The following DCHS1 variants were observed in gnomAD, a reference collection of about 807,000 sequenced individuals.
The protein encoded by DCHS1 is dachsous cadherin-related 1.
Under a neutral mutation model 213.9 loss-of-function variants are expected in DCHS1, and 78 were observed. That is an observed-to-expected ratio of 0.36 (90% CI 0.30 to 0.44). DCHS1 has a LOEUF of 0.44. DCHS1 is among the 20% of genes least tolerant of loss of function. DCHS1 has a pLI of 1.00. For synonymous variants in DCHS1, 1,828 were observed against 1,873.7 expected, an observed-to-expected ratio of 0.98 and a Z score of 0.63; for missense variants, 3,946 against 4,395.9, an observed-to-expected ratio of 0.90 and a Z score of 2.89.
intron 1 of DCHS1, among the ~76,000 whole-genome samples, chr11:6,645,799 T>C (rs1395496207): frequency 2.0e-5 from 3 of 152,290 alleles, no homozygotes; most frequent in Middle Eastern, 6.8e-3. Flanking sequence ...CCCCATGCAC[T>C]GCCTGGCACT....
At chr11:6,634,382 A>G in intron 2 of DCHS1, 76 bp from the exon 3 acceptor site, 4 of 1,472,114 alleles carry the variant, frequency 2.7e-6, no homozygotes, top group Non-Finnish European at 3.6e-6. Flanking sequence ...ATTAGAATGA[A>G]CAACTGGTGC....
At chr11:6,635,180 G>C (rs554418598) in intron 2 of DCHS1, 2 of 152,314 alleles carry the variant, frequency 1.3e-5, no homozygotes, top group Admixed American at 1.3e-4. Context: ...AGTGGGATCT[G>C]ATTAATACTG....
At position 6,633,912 on chromosome 11, in the gene DCHS1, G is replaced by T. The variant is rs759668003; in HGVS notation, c.2095C>A (p.Pro699Thr). ...AACCTCAGCACAGCTGTGCCTGGTG[G>T]ACTCTGGGCACTTATACTGGCAGCA... ...EYAASISAQS[P>T]PGTAVLRLRA... Residue 699 changes from proline to threonine, a missense_variant, in exon 4 of 21, where the codon CCA becomes ACA. By Grantham distance (38) the Pro-to-Thr change is conservative (BLOSUM62 -1). Coordinates refer to ENST00000299441, the MANE Select transcript of DCHS1 (RefSeq NM_003737.4). 31 of 1,614,032 alleles carry T rather than the reference G, an allele frequency of 1.9e-5. No homozygotes were observed. Among genetic ancestry groups the T allele is most frequent in the Non-Finnish European group, 2.6e-5 (31 of 1,179,894 alleles).
rs763334381 is a variant in DCHS1, at chr11:6,631,720, G to C, written c.3571C>G (p.Arg1191Gly). Residue 1191 changes from arginine (R) to glycine (G), a missense_variant, in exon 7 of 21, where the codon CGC becomes GGC. Arg to Gly is a moderately radical substitution (Grantham distance 125, BLOSUM62 -2). Transcript: ENST00000299441. Reference protein sequence around the residue: ...VQVQDGGSPPRSTTGTVHVAV... With the variant: ...VQVQDGGSPPGSTTGTVHVAV... ...ACATGCACAGTGCCTGTGGTGCTGCGGGGTGGGCTCCCTCCATCCTGCACC... is the reference window on the plus strand; with the variant it reads ...ACATGCACAGTGCCTGTGGTGCTGCCGGGTGGGCTCCCTCCATCCTGCACC... 8 of 1,610,076 alleles carry C rather than the reference G, an allele frequency of 5.0e-6. No homozygotes were observed. The highest frequency in any genetic ancestry group is 5.9e-6 in the Non-Finnish European group (7 of 1,177,970).
chr11:6,621,731 T>C lies in DCHS1; in HGVS notation c.*48A>G, dbSNP rs563523926. On this transcript the variant is annotated 3_prime_UTR_variant, in exon 21 of 21. Transcript: ENST00000299441. ...GGGCAGGCTCAGAGTGGGGCCTGCG[T>C]TGGGGACACTGTGCGCATCCCAGGT... is the stretch of plus-strand genomic sequence containing the variant. 7.6e-5 allele frequency: 117 copies of C among 1,539,256 alleles called. 1 individual carries two copies. The East Asian group carries it at 1.2e-3, about 16-fold the overall frequency.
At chr11:6,644,357 C>A (rs955415356) in intron 1 of DCHS1, among the ~76,000 whole-genome samples, 3 of 152,210 alleles carry the variant, frequency 2.0e-5, no homozygotes, top group Non-Finnish European at 2.9e-5. Flanking sequence ...CTCACCTTTA[C>A]TTCCCCCACC....
rs774722401 is a variant in DCHS1 at position 6,626,366 on chromosome 11, G to A, written c.6379C>T (p.Arg2127Cys). Residue 2127 changes from arginine (R) to cysteine (C), a missense_variant, in exon 16 of 21, where the codon CGC becomes TGC. Arg to Cys is a radical substitution (Grantham distance 180). Transcript: ENST00000299441. The surrounding 1 kb of genome is among the most constrained non-coding windows in gnomAD (Gnocchi z 5.2). ...IQPSTGAITV[R>C]SAEGLDFEVS... ...TCGAAGTCTAGCCCCTCTGCTGAGCGAACTGTGATGGCACCTGGGCGAGAT... is the reference window on the plus strand; with the variant it reads ...TCGAAGTCTAGCCCCTCTGCTGAGCAAACTGTGATGGCACCTGGGCGAGAT... 1.3e-5 allele frequency: 21 copies of A among 1,613,354 alleles called. No individual in the cohort carries two copies. Among genetic ancestry groups the A allele is most frequent in the Middle Eastern group, 1.6e-4 (1 of 6,062 alleles).
At chr11:6,653,473 T>C (rs192207112) in intron 1 of DCHS1, among the ~76,000 whole-genome samples, 137 of 152,352 alleles carry the variant, frequency 9.0e-4, no homozygotes, top group Non-Finnish European at 1.4e-3. Context: ...TCACAATGCC[T>C]AGCAGAGTAG....
At chr11:6,646,883 G>C (rs929243848) in intron 1 of DCHS1, among the ~76,000 whole-genome samples, 2 of 152,186 alleles carry the variant, frequency 1.3e-5, no homozygotes, top group Non-Finnish European at 2.9e-5. Flanking sequence ...TGGAAGCAGG[G>C]GGAACATGGG....
chr11:6,625,349 G>A lies in DCHS1; in HGVS notation c.6995C>T (p.Ser2332Phe), dbSNP rs745742044. The change falls in exon 19 of 21, where the codon TCC (serine) becomes TTC (phenylalanine). Residue 2332 changes from serine to phenylalanine, a missense_variant. This residue lies in a region of DCHS1 where 3,384 missense variants were observed against 3,780.1 expected (regional missense o/e 0.90). Transcript: ENST00000299441. The surrounding 1 kb of genome is among the most constrained non-coding windows in gnomAD (Gnocchi z 5.3). ...FSVGRYGGRVSLTGPLDFEQC... is the reference protein window; with the variant it reads ...FSVGRYGGRVFLTGPLDFEQC... The stretch of plus-strand genomic sequence containing the variant: ...CTCAAAGTCCAGGGGCCCCGTGAGG[G>A]AGACACGGCCTCCATAGCGGCCAAC... The A allele has an allele frequency of 1.7e-5, 27 of 1,613,696 alleles. No individual in the cohort carries two copies. Among genetic ancestry groups the A allele is most frequent in the African/African-American group, 2.7e-5 (2 of 74,916 alleles).
rs1285802601 is a variant in DCHS1, at chr11:6,628,320, G to C, written c.5371+301C>G. ...TATAATCCACATAAAAACTCCTTAG[G>C]GTTCTCAAAAATTAAGAGTGTTAAG... On this transcript the variant is annotated intron_variant, in intron 13 of 20. Transcript: ENST00000299441. The surrounding 1 kb of genome is among the most constrained non-coding windows in gnomAD (Gnocchi z 4.3). 6.6e-6 allele frequency among the ~76,000 whole-genome samples: 1 copy of C among 151,928 alleles called. No individual in the cohort carries two copies. Among genetic ancestry groups the C allele is most frequent in the African/African-American group, 2.4e-5 (1 of 41,318 alleles).
At chr11:6,630,968 C>G (rs1168116179) in intron 9 of DCHS1, 85 bp downstream of exon 9, 7 of 1,523,774 alleles carry the variant, frequency 4.6e-6, no homozygotes, top group Non-Finnish European at 4.4e-6. Context: ...AGCCTGACTG[C>G]TAGTGGAGCC....
Position 6,625,696 on chromosome 11 carries a change from G to A in DCHS1, c.6763C>T (p.Pro2255Ser), listed in dbSNP as rs1024555506. Residue 2255 changes from proline (P) to serine (S), a missense_variant, in exon 18 of 21, where the codon CCA becomes TCA. Around this residue, in one of 3 missense-constraint regions of DCHS1, gnomAD observed 3,384 missense variants for 3,780.1 expected, o/e 0.90. Transcript: ENST00000299441. This position sits in a 1 kb window ranked among gnomAD's most constrained non-coding sequence, Gnocchi z 5.3. ...LVLMATDRGS[P>S]ALVGSATLTV... ...AAGGTAGCTGAGCCCACCAGGGCTGGGCTCCCTCTGTCTGTGGCCATCAGC... is the reference window on the plus strand; with the variant it reads ...AAGGTAGCTGAGCCCACCAGGGCTGAGCTCCCTCTGTCTGTGGCCATCAGC... The A allele has an allele frequency of 6.2e-7, 1 of 1,610,728 alleles. No individual in the cohort carries two copies. Among genetic ancestry groups the A allele is most frequent in the Non-Finnish European group, 8.5e-7 (1 of 1,178,688 alleles).
chr11:6,630,630 C>A lies in DCHS1; in HGVS notation c.4164G>T (p.Leu1388Phe). ...TFALDAASGRLYLARPLDFEA... is the reference protein window; with the variant it reads ...TFALDAASGRFYLARPLDFEA... ...CGAAGTCCAGGGGCCGCGCCAGGTA[C>A]AAGCGCCCTGAGGCCGCATCCAGCG... Residue 1388 changes from leucine (L) to phenylalanine (F), a missense_variant, in exon 10 of 21, where the codon TTG (leucine) becomes TTT (phenylalanine). Coordinates refer to ENST00000299441, the MANE Select transcript of DCHS1 (RefSeq NM_003737.4). 6.5e-7 allele frequency: 1 copy of A among 1,539,862 alleles called. No homozygotes were observed. Among genetic ancestry groups the A allele is most frequent in the Non-Finnish European group, 8.7e-7 (1 of 1,147,952 alleles).
chr11:6,624,610 A>AT, intron 20 of DCHS1, 120 bp downstream of exon 20: 1 of 1,477,290 alleles, frequency 6.8e-7, no homozygotes, highest in Admixed American at 2.0e-5. Context: ...AGGGGAGGAA[A>AT]TGTCCTCCCT....
chr11:6,623,540 G>A lies in DCHS1; in HGVS notation c.8136C>T (p.Ser2712=). 6.2e-7 allele frequency: 1 copy of A among 1,611,568 alleles called. No homozygotes were observed. Among genetic ancestry groups the A allele is most frequent in the Non-Finnish European group, 8.5e-7 (1 of 1,178,906 alleles). The change falls in exon 21 of 21, where the codon AGC becomes AGT. Residue 2712 remains serine, a synonymous_variant. Transcript: ENST00000299441. ...HGPAFPLNLL[S]TSVAENQPPG... is the part of the protein sequence containing the mutation. Reference sequence around the variant, plus strand: ...GAGGCTGATTCTCGGCCACGCTGGTGCTGAGTAAGTTCAGTGGGAAGGCTG... The same window carrying A: ...GAGGCTGATTCTCGGCCACGCTGGTACTGAGTAAGTTCAGTGGGAAGGCTG...
At position 6,624,036 on chromosome 11, in the gene DCHS1, C is replaced by A. The variant is rs751581779; in HGVS notation, c.7640G>T (p.Gly2547Val). ...LAEAGESAGP[G>V]PRALGCLVLL... ...CACCAGGCAGCCCAGTGCCCGGGGG[C>A]CTGGTCCAGCACTCTCCCCAGCCTC... is the stretch of plus-strand genomic sequence containing the variant. The change falls in exon 21 of 21, where the codon GGC (glycine) becomes GTC (valine). Residue 2547 changes from glycine to valine, a missense_variant. By Grantham distance (109) the Gly-to-Val change is moderately radical. Transcript: ENST00000299441. 6.2e-7 allele frequency: 1 copy of A among 1,613,514 alleles called. No individual in the cohort carries two copies.
chr11:6,624,821 G>C lies in DCHS1; in HGVS notation c.7194C>G (p.Val2398=), dbSNP rs763080180. Reference sequence around the variant, plus strand: ...CACCTGAGTCCCGATCAGTGGCAGAGACGGAGAGAATGGCACTGCCTGGGG... The same window carrying C: ...CACCTGAGTCCCGATCAGTGGCAGACACGGAGAGAATGGCACTGCCTGGGG... The part of the protein sequence containing the change: ...HTPPGSAILS[V]SATDRDSGAN... The change falls in exon 20 of 21, where the codon GTC becomes GTG. Residue 2398 remains valine, a synonymous_variant. Coordinates refer to ENST00000299441, the MANE Select transcript of DCHS1 (RefSeq NM_003737.4). 1.9e-6 allele frequency: 3 copies of C among 1,613,938 alleles called. No individual in the cohort carries two copies. Among genetic ancestry groups the C allele is most frequent in the Non-Finnish European group, 2.5e-6 (3 of 1,179,870 alleles).
chr11:6,655,640 C>G lies in DCHS1; in HGVS notation c.-198G>C, dbSNP rs1041923763. 3.1e-6 allele frequency: 3 copies of G among 978,430 alleles called. No homozygotes were observed. The highest frequency in any genetic ancestry group is 6.4e-5 in the Admixed American group (1 of 15,748). The allele number at this position is 978,430 out of a possible 1,614,324, so 60.6% of individuals were successfully genotyped here. On this transcript the variant is annotated 5_prime_UTR_variant, in exon 1 of 21. Transcript: ENST00000299441. ...GTCAGCCCCCCGGGCAGCGCCCGCT[C>G]GCGCGGGGCCTGAGGCCGCGCATCG...
Sources: gnomAD v4.1 joint callset for allele counts (sites outside exome capture counted in the v4.1 genomes callset) on GRCh38, gnomAD v4.1.1 for gene constraint, gnomAD v4.1.1 regional missense constraint, Gnocchi (gnomAD v3.1) non-coding constraint, MANE v1.5 for transcripts, NCBI Gene and HGNC (gene_info 2026-07-23, HGNC 2026-07-21) for gene names.